The following GRHL2 variants were observed in gnomAD, a reference collection of about 807,000 sequenced individuals.
The protein encoded by GRHL2 is grainyhead-like protein 2 homolog.
A neutral mutation model predicts 83.8 loss-of-function variants in GRHL2; 21 were observed. The ratio of observed to expected loss-of-function variants is 0.25; its 90% CI spans 0.18 to 0.36. GRHL2 has a LOEUF of 0.36. Ranked by LOEUF, GRHL2 falls within the 10% of genes least tolerant of loss-of-function variation. GRHL2 has a pLI of 1.00. For missense variants in GRHL2, 623 were observed against 781.8 expected (o/e 0.80, Z 2.42); for synonymous variants, 280 against 278.9 (o/e 1.00, Z -0.04).
intron 15 of GRHL2, 80 bp from the exon 16 acceptor site, chr8:101,666,509 C>T: frequency 1.2e-6 from 1 of 816,934 alleles, no homozygotes; most frequent in Non-Finnish European, 2.2e-6. Context: ...TACGAGAACC[C>T]CCAGCCTGGA....
chr8:101,574,211 A>C (rs1016281587), intron 6 of GRHL2, among the ~76,000 whole-genome samples: 9 of 152,242 alleles, frequency 5.9e-5, no homozygotes, highest in Non-Finnish European at 1.2e-4. Context: ...AGGAAAATGC[A>C]GTTCACTCTG....
Position 101,513,494 on chromosome 8 carries a change from G to A in GRHL2, c.20+20705G>A, listed in dbSNP as rs527441678. On this transcript the variant is annotated intron_variant, in intron 1 of 15. Transcript: ENST00000646743. ...TCTGTGTATGTGGGTGCAGGCTATCGTTGTGCTTTTTTTTTTGGAGATGGA... is the reference window on the plus strand; with the variant it reads ...TCTGTGTATGTGGGTGCAGGCTATCATTGTGCTTTTTTTTTTGGAGATGGA... Among the ~76,000 whole-genome samples, 21 of 12,338 alleles carry A rather than the reference G, an allele frequency of 1.7e-3. No individual in the cohort carries two copies. The South Asian group carries it at 0.072, about 43-fold the overall frequency. The allele number at this position is 12,338 out of a possible 152,430, so 8.1% of individuals were successfully genotyped here. A position where few individuals can be genotyped will look rare whatever the true frequency, so the allele number is the denominator to read the frequency against.
At chr8:101,621,389 A>G (rs536817340) in intron 9 of GRHL2, among the ~76,000 whole-genome samples, 32 of 152,234 alleles carry the variant, frequency 2.1e-4, no homozygotes, top group Non-Finnish European at 3.8e-4. Context: ...TGTAGAAAAT[A>G]GAATGACTTG....
intron 1 of GRHL2, among the ~76,000 whole-genome samples, chr8:101,515,387 AG>A (rs1256209972): frequency 6.6e-6 from 1 of 152,172 alleles, no homozygotes; most frequent in Non-Finnish European, 1.5e-5. Flanking sequence ...TGACAAGTTC[AG>A]GAACTACAGG....
chr8:101,569,936 T>TC (rs1211830171), intron 4 of GRHL2, among the ~76,000 whole-genome samples: 2 of 152,256 alleles, frequency 1.3e-5, no homozygotes, highest in African/African-American at 4.8e-5. Context: ...TCTTAACCAT[T>TC]CTACTGTATT....
chr8:101,568,598 T>TA (rs1330635598), intron 4 of GRHL2, among the ~76,000 whole-genome samples: 1 of 152,014 alleles, frequency 6.6e-6, no homozygotes, highest in African/African-American at 2.4e-5. Flanking sequence ...TTTTTTTTTT[T>TA]AATGTGAATT....
At chr8:101,505,927 G>A (rs745737734) in intron 1 of GRHL2, among the ~76,000 whole-genome samples, 1 of 152,276 alleles carries the variant, frequency 6.6e-6, no homozygotes, top group Non-Finnish European at 1.5e-5. Flanking sequence ...CAAGCTCCAA[G>A]TTTTTCCGCT....
chr8:101,576,704 T>A (rs997733195), intron 6 of GRHL2, among the ~76,000 whole-genome samples: 3 of 152,196 alleles, frequency 2.0e-5, no homozygotes, highest in Non-Finnish European at 4.4e-5. Flanking sequence ...GGTGAATTAA[T>A]GTGTATTTAG....
chr8:101,538,937 T>C (rs540086900), intron 1 of GRHL2, among the ~76,000 whole-genome samples: 68 of 152,326 alleles, frequency 4.5e-4, no homozygotes, highest in African/African-American at 1.4e-3. Flanking sequence ...CCCAAAATAC[T>C]TTTTCCACTG....
chr8:101,630,555 A>G (rs1813166858), intron 9 of GRHL2, among the ~76,000 whole-genome samples: 1 of 152,162 alleles, frequency 6.6e-6, no homozygotes, highest in Non-Finnish European at 1.5e-5. Context: ...TCTGTTTTGT[A>G]TGTGATGATT....
rs1329838226 is a variant in GRHL2, at chr8:101,612,512, G to GATACATAC, written c.1099-7024_1099-7023insCATACATA. 3.3e-4 allele frequency among the ~76,000 whole-genome samples: 40 copies of GATACATAC among 121,644 alleles called. 1 individual carries two copies. The highest frequency in any genetic ancestry group is 1.7e-3 in the East Asian group (7 of 4,052). The allele number at this position is 121,644 out of a possible 152,430, so 79.8% of individuals were successfully genotyped here. A position where few individuals can be genotyped will look rare whatever the true frequency, so the allele number is the denominator to read the frequency against. The stretch of plus-strand genomic sequence containing the variant: ...AGATAGATAGATAGATAGATAGATA[G>GATACATAC]ATAGATAGATACATACATACATACA... On this transcript the variant is annotated intron_variant, in intron 8 of 15. Coordinates refer to ENST00000646743, the MANE Select transcript of GRHL2 (RefSeq NM_024915.4).
At chr8:101,621,836 T>G (rs685006) in intron 9 of GRHL2, among the ~76,000 whole-genome samples, 2,163 of 152,182 alleles carry the variant, frequency 0.014, 36 homozygotes, top group Middle Eastern at 0.071. Flanking sequence ...AGTTTGAGGT[T>G]ACGGTGACCT....
At chr8:101,531,874 A>G (rs1810936557) in intron 1 of GRHL2, among the ~76,000 whole-genome samples, 1 of 152,170 alleles carries the variant, frequency 6.6e-6, no homozygotes, top group South Asian at 2.1e-4. Flanking sequence ...ATATTTTGCA[A>G]TCAGTATCTA....
intron 7 of GRHL2, among the ~76,000 whole-genome samples, chr8:101,589,387 C>G (rs572380702): frequency 6.6e-6 from 1 of 152,300 alleles, no homozygotes; most frequent in South Asian, 2.1e-4. Context: ...GTGGTGCAAG[C>G]ACGGGCACGC....
At chr8:101,518,478 G>A (rs1480645544) in intron 1 of GRHL2, among the ~76,000 whole-genome samples, 1 of 152,130 alleles carries the variant, frequency 6.6e-6, no homozygotes, top group Non-Finnish European at 1.5e-5. Context: ...GGTACCAGGA[G>A]TAGTACCCAT....
chr8:101,558,179 T>A (rs1045036862), intron 3 of GRHL2, among the ~76,000 whole-genome samples: 4 of 152,142 alleles, frequency 2.6e-5, no homozygotes, highest in Non-Finnish European at 5.9e-5. Flanking sequence ...TTTGTTTTTG[T>A]TTTTTACAGT....
the GRHL2 span, among the ~76,000 whole-genome samples, chr8:101,677,302 G>A: frequency 6.6e-6 from 1 of 151,936 alleles, no homozygotes; most frequent in East Asian, 1.9e-4. Context: ...GACCACTGAG[G>A]AAAGAACTTG....
At chr8:101,544,191 G>C (rs570028935) in intron 2 of GRHL2, 1 of 152,090 alleles carries the variant, frequency 6.6e-6, no homozygotes, top group Non-Finnish European at 1.5e-5. Flanking sequence ...TGAACATTTA[G>C]GTTGCCTCTA....
Position 101,552,706 on chromosome 8 carries a change from T to C in GRHL2, c.217-9T>C, listed in dbSNP as rs1485528233. The C allele has an allele frequency of 2.5e-6, 4 of 1,613,864 alleles. No homozygotes were observed. In the African/African-American group the frequency reaches 5.3e-5, roughly 22 times the overall value. ...TGTATGTCTGACTGATGGTTGGTGA[T>C]GTTTCCAGGTTCCTCGAGACAAGAG... On this transcript the variant is annotated splice_polypyrimidine_tract_variant and intron_variant, in intron 2 of 15. Transcript: ENST00000646743.
Sources: gnomAD v4.1 joint callset for allele counts (sites outside exome capture counted in the v4.1 genomes callset) on GRCh38, gnomAD v4.1.1 for gene constraint, MANE v1.5 for transcripts, NCBI Gene and HGNC (gene_info 2026-07-23, HGNC 2026-07-21) for gene names.